The following SYN3 variants were observed in gnomAD, a reference collection of about 807,000 sequenced individuals.
SYN3 encodes the protein synapsin-3.
A neutral mutation model predicts 65.8 loss-of-function variants in SYN3; 35 were observed. That is an observed-to-expected ratio of 0.53 (90% CI 0.41 to 0.70). The LOEUF (loss-of-function observed/expected upper bound fraction) is 0.70, where lower values mean the gene tolerates loss of function less well. SYN3 is among the 30% of genes least tolerant of loss of function. The probability of loss-of-function intolerance (pLI) is 0.00; values close to 1 mark genes in which losing one functional copy is unlikely to be tolerated. For synonymous variants in SYN3, 270 were observed against 292.9 expected (o/e 0.92, Z 0.80); for missense variants, 680 against 749.0 (o/e 0.91, Z 1.08).
At chr22:32,575,070 T>C (rs777254238) in intron 7 of SYN3, among the ~76,000 whole-genome samples, 1 of 152,238 alleles carries the variant, frequency 6.6e-6, no homozygotes, top group Non-Finnish European at 1.5e-5. Context: ...CGGGTGGTTT[T>C]CAAACTGAAT....
At chr22:32,660,011 C>T (rs756734914) in intron 6 of SYN3, among the ~76,000 whole-genome samples, 2,436 of 152,318 alleles carry the variant, frequency 0.016, 28 homozygotes, top group Non-Finnish European at 0.027. Flanking sequence ...TTTGTAGAGT[C>T]AGGCATGGTG....
intron 6 of SYN3, among the ~76,000 whole-genome samples, chr22:32,669,986 G>C (rs2060338845): frequency 6.6e-6 from 1 of 152,164 alleles, no homozygotes; most frequent in Non-Finnish European, 1.5e-5. Flanking sequence ...GAAGGAGCTT[G>C]ACTCCCTGAG....
chr22:32,543,490 C>T (rs5754143), intron 7 of SYN3, among the ~76,000 whole-genome samples: 38,869 of 152,002 alleles, frequency 0.26, 5,126 homozygotes, highest in Middle Eastern at 0.38. Context: ...AGTGATGACT[C>T]CAGGTCTCAA....
intron 6 of SYN3, among the ~76,000 whole-genome samples, chr22:32,843,586 C>T (rs1293006916): frequency 6.6e-6 from 1 of 152,192 alleles, no homozygotes; most frequent in Non-Finnish European, 1.5e-5. Flanking sequence ...GGCCGTGAGA[C>T]AAGCTGGGTG....
At chr22:32,789,013 C>A (rs543811406) in intron 6 of SYN3, among the ~76,000 whole-genome samples, 1 of 152,340 alleles carries the variant, frequency 6.6e-6, no homozygotes, top group African/African-American at 2.4e-5. Flanking sequence ...CTCTGCCAGG[C>A]CAAGGGGCGG....
intron 6 of SYN3, among the ~76,000 whole-genome samples, chr22:32,725,665 G>A (rs182236022): frequency 2.6e-5 from 4 of 152,256 alleles, no homozygotes; most frequent in Admixed American, 2.6e-4. Flanking sequence ...AAGGCATGCA[G>A]GCGGCCTCCA....
At chr22:33,053,616 G>T (rs967598301) in intron 1 of SYN3, among the ~76,000 whole-genome samples, 3 of 152,166 alleles carry the variant, frequency 2.0e-5, no homozygotes, top group Admixed American at 1.3e-4. Flanking sequence ...GAACCTGGGA[G>T]GAACGGGGAA....
chr22:32,572,750 C>G (rs2058796374), intron 7 of SYN3, among the ~76,000 whole-genome samples: 1 of 152,172 alleles, frequency 6.6e-6, no homozygotes, highest in African/African-American at 2.4e-5. Context: ...ATCTGGCTCT[C>G]TGGCCATTTC....
intron 1 of SYN3, among the ~76,000 whole-genome samples, chr22:33,030,171 AC>A (rs1249946794): frequency 6.6e-6 from 1 of 152,028 alleles, no homozygotes; most frequent in African/African-American, 2.4e-5. Flanking sequence ...AGGGCCAGGC[AC>A]CCCGTCAATG....
At chr22:32,615,463 A>G (rs1357661079) in intron 6 of SYN3, among the ~76,000 whole-genome samples, 1 of 151,654 alleles carries the variant, frequency 6.6e-6, no homozygotes, top group African/African-American at 2.4e-5. Flanking sequence ...AAAAAAAGAA[A>G]GAAAACTACA....
chr22:32,645,749 A>T (rs1323103431), intron 6 of SYN3, among the ~76,000 whole-genome samples: 5 of 152,182 alleles, frequency 3.3e-5, no homozygotes. Context: ...AGTTCTTAGG[A>T]AAACCAAAAC....
chr22:32,723,466 C>T lies in SYN3; in HGVS notation c.712-126730G>A, dbSNP rs377596989. 5.5e-4 allele frequency among the ~76,000 whole-genome samples: 84 copies of T among 152,330 alleles called. 1 individual carries two copies. Among genetic ancestry groups the T allele is most frequent in the African/African-American group, 1.7e-3 (69 of 41,582 alleles). On this transcript the variant is annotated intron_variant, in intron 6 of 13. Transcript: ENST00000358763. ...ATCTGGAGAGAAGATCCAGCCCTCT[C>T]ATGTAAGATATGGAGAAACTGAGGC...
intron 12 of SYN3, 83 bp from the exon 13 acceptor site, chr22:32,518,417 G>A: frequency 6.6e-7 from 1 of 1,517,652 alleles, no homozygotes; most frequent in East Asian, 2.3e-5. Context: ...GTTGCTTCAA[G>A]GATGTTCATT....
intron 6 of SYN3, among the ~76,000 whole-genome samples, chr22:32,668,092 G>T (rs1217548605): frequency 6.6e-6 from 1 of 152,122 alleles, no homozygotes; most frequent in African/African-American, 2.4e-5. Flanking sequence ...TGCCCAGCTT[G>T]GTTGTTCTTT....
chr22:32,877,897 T>C (rs2049024477), intron 4 of SYN3, among the ~76,000 whole-genome samples: 1 of 152,204 alleles, frequency 6.6e-6, no homozygotes, highest in South Asian at 2.1e-4. Context: ...TAGGCAATAA[T>C]GAAAGTGATT....
At chr22:32,664,583 G>GTTTTT (rs2060262427) in intron 6 of SYN3, among the ~76,000 whole-genome samples, 4 of 91,050 alleles carry the variant, frequency 4.4e-5, no homozygotes, top group African/African-American at 1.2e-4. Flanking sequence ...TCAATTGGTC[G>GTTTTT]CTTTTTTTTT....
chr22:33,026,784 G>A (rs2053647309), intron 1 of SYN3, among the ~76,000 whole-genome samples: 1 of 152,162 alleles, frequency 6.6e-6, no homozygotes, highest in South Asian at 2.1e-4. Flanking sequence ...CAGAATCAGA[G>A]CTGAAAATGC....
chr22:32,753,421 G>A (rs1479232684), intron 6 of SYN3, among the ~76,000 whole-genome samples: 3 of 152,106 alleles, frequency 2.0e-5, no homozygotes, highest in African/African-American at 4.8e-5. Context: ...GCCCCATGAC[G>A]ATGACGCATA....
At chr22:32,548,805 G>T (rs2058370703) in intron 7 of SYN3, among the ~76,000 whole-genome samples, 1 of 152,160 alleles carries the variant, frequency 6.6e-6, no homozygotes, top group Non-Finnish European at 1.5e-5. Flanking sequence ...CCATCCTAAA[G>T]ATATAATGGA....
Sources: allele counts gnomAD v4.1 joint callset (sites outside exome capture counted in the v4.1 genomes callset), GRCh38; gene constraint gnomAD v4.1.1; transcripts MANE v1.5; gene names NCBI Gene and HGNC (gene_info 2026-07-23, HGNC 2026-07-21).